FRAS1: variants seen among roughly 807,000 people sequenced by gnomAD.
FRAS1 encodes Fraser extracellular matrix complex subunit 1.
FRAS1 carries 290 observed loss-of-function variants against 435.2 expected under a neutral mutation model. The observed-to-expected ratio is 0.67, with a 90% CI of 0.61 to 0.73. The LOEUF is 0.73. Among genes scored for constraint, FRAS1 ranks in the 30% least tolerant of loss-of-function variants. The pLI is 0.00. For missense variants in FRAS1, 4,860 were observed against 5,001.5 expected, an observed-to-expected ratio of 0.97 and a Z score of 0.85; for synonymous variants, 1,800 against 1,851.0, an observed-to-expected ratio of 0.97 and a Z score of 0.71.
At chr4:78,436,347 C>T (rs999167103) in intron 38 of FRAS1, among the ~76,000 whole-genome samples, 1 of 152,164 alleles carries the variant, frequency 6.6e-6, no homozygotes, top group Admixed American at 6.5e-5. Flanking sequence ...AATGGATCCA[C>T]AGGATGTTCT....
intron 2 of FRAS1, among the ~76,000 whole-genome samples, chr4:78,164,717 C>T (rs1284609339): frequency 6.6e-6 from 1 of 151,892 alleles, no homozygotes; most frequent in Non-Finnish European, 1.5e-5. Flanking sequence ...TATCTTTTTC[C>T]TTTTTAAAAA....
chr4:78,222,451 C>A (rs902890253), intron 2 of FRAS1, among the ~76,000 whole-genome samples: 1 of 152,112 alleles, frequency 6.6e-6, no homozygotes, highest in Admixed American at 6.5e-5. Flanking sequence ...GCGACTTCTC[C>A]GTAAATGTTG....
intron 4 of FRAS1, among the ~76,000 whole-genome samples, chr4:78,249,300 G>T (rs1440795218): frequency 3.4e-5 from 5 of 145,268 alleles, no homozygotes; most frequent in Non-Finnish European, 7.5e-5. Context: ...TTCTTCTGTG[G>T]CTTTGACATC....
chr4:78,328,239 T>G (rs1729795329), intron 18 of FRAS1, among the ~76,000 whole-genome samples: 1 of 152,226 alleles, frequency 6.6e-6, no homozygotes, highest in African/African-American at 2.4e-5. Flanking sequence ...CCAAATGAAA[T>G]GAAATGTTTG....
chr4:78,192,557 C>T (rs186439440), intron 2 of FRAS1, among the ~76,000 whole-genome samples: 6 of 152,224 alleles, frequency 3.9e-5, no homozygotes, highest in South Asian at 2.1e-4. Flanking sequence ...AGTTTATTTG[C>T]GTAGAGGTGT....
intron 2 of FRAS1, among the ~76,000 whole-genome samples, chr4:78,108,673 C>T (rs1742522978): frequency 4.3e-5 from 3 of 70,510 alleles, no homozygotes; most frequent in Admixed American, 1.8e-4. Flanking sequence ...GACACCCTAA[C>T]ATCACAATTA....
At chr4:78,463,644 A>C (rs891889308) in intron 47 of FRAS1, among the ~76,000 whole-genome samples, 1 of 152,252 alleles carries the variant, frequency 6.6e-6, no homozygotes, top group Non-Finnish European at 1.5e-5. Context: ...GTAGGTCTTC[A>C]GAAAGGACTG....
intron 14 of FRAS1, among the ~76,000 whole-genome samples, chr4:78,292,852 C>T (rs1488962646): frequency 6.6e-6 from 1 of 152,222 alleles, no homozygotes; most frequent in Non-Finnish European, 1.5e-5. Context: ...GTTTCTACCA[C>T]TGCCTTCACT....
intron 2 of FRAS1, among the ~76,000 whole-genome samples, chr4:78,102,348 G>C (rs749260932): frequency 6.6e-6 from 1 of 152,178 alleles, no homozygotes; most frequent in African/African-American, 2.4e-5. Flanking sequence ...GAATCTGTCA[G>C]ACAGGTTGTA....
chr4:78,214,111 A>T (rs1578188547), intron 2 of FRAS1, among the ~76,000 whole-genome samples: 1 of 152,192 alleles, frequency 6.6e-6, no homozygotes, highest in African/African-American at 2.4e-5. Context: ...TATAGACTGG[A>T]TTGATGTAGC....
rs751167632 is a variant in FRAS1 at position 78,521,579 on chromosome 4, C to T, written c.10597C>T (p.Arg3533Ter). 1.9e-6 allele frequency: 3 copies of T among 1,611,286 alleles called. No individual in the cohort carries two copies. The highest frequency in any genetic ancestry group is 2.2e-5 in the South Asian group (2 of 90,694). The change falls in exon 68 of 74, where the codon CGA (arginine) becomes TGA (stop). Residue 3533 changes from arginine (R) to a stop codon, truncating the protein, a stop_gained. Transcript: ENST00000512123. LOFTEE classifies it high-confidence loss of function. ...ARLQIIRIYI[R>*]EDGRLVIEFK... ...GCTTCAGATAATAAGAATCTACATT[C>T]GAGAGGATGGCCGTCTTGTCATTGA...
At chr4:78,320,024 C>T (rs1054037929) in intron 18 of FRAS1, among the ~76,000 whole-genome samples, 1 of 152,174 alleles carries the variant, frequency 6.6e-6, no homozygotes, top group African/African-American at 2.4e-5. Flanking sequence ...TCAAAGTGGC[C>T]GGTAAATTAT....
At chr4:78,068,932 T>C (rs1392625742) in intron 2 of FRAS1, among the ~76,000 whole-genome samples, 1 of 86,870 alleles carries the variant, frequency 1.2e-5, no homozygotes, top group Non-Finnish European at 2.2e-5. Context: ...AAGAAAAGCA[T>C]TGTGTCTACA....
intron 29 of FRAS1, among the ~76,000 whole-genome samples, chr4:78,396,831 A>G (rs1198122312): frequency 2.6e-5 from 4 of 152,124 alleles, no homozygotes; most frequent in Non-Finnish European, 4.4e-5. Flanking sequence ...TTTCAGTTCA[A>G]TCATTGTATT....
At chr4:78,456,693 ATGG>A (rs1719212492) in intron 47 of FRAS1, among the ~76,000 whole-genome samples, 1 of 152,176 alleles carries the variant, frequency 6.6e-6, no homozygotes, top group Non-Finnish European at 1.5e-5. Context: ...TTGAAGGGTA[ATGG>A]TGGCTAAACA....
Position 78,421,997 on chromosome 4 carries a change from G to A in FRAS1, c.4675G>A (p.Ala1559Thr), listed in dbSNP as rs889545445. The A allele has an allele frequency of 4.4e-6, 7 of 1,608,734 alleles. No individual in the cohort carries two copies. Among genetic ancestry groups the A allele is most frequent in the East Asian group, 2.2e-5 (1 of 44,788 alleles). ...HLQELMAFSFAGLPESVKFHF... is the reference protein window; with the variant it reads ...HLQELMAFSFTGLPESVKFHF... ...CCAGGAGCTCATGGCCTTCTCGTTC[G>A]CTGGTAATGCTCTCCTCTCTGCTTT... The change falls in exon 34 of 74, where the codon GCT (alanine) becomes ACT (threonine). Residue 1559 changes from alanine (A) to threonine (T), a missense_variant. By Grantham distance (58) the Ala-to-Thr change is moderately conservative. Coordinates refer to ENST00000512123, the MANE Select transcript of FRAS1 (RefSeq NM_025074.7).
intron 30 of FRAS1, among the ~76,000 whole-genome samples, chr4:78,404,646 A>G (rs1471659801): frequency 6.6e-6 from 1 of 152,140 alleles, no homozygotes; most frequent in Non-Finnish European, 1.5e-5. Context: ...TTCCTCTGTC[A>G]TCCTTCACAG....
At chr4:78,518,725 G>T (rs1721295481) in intron 66 of FRAS1, among the ~76,000 whole-genome samples, 1 of 152,152 alleles carries the variant, frequency 6.6e-6, no homozygotes, top group Non-Finnish European at 1.5e-5. Context: ...CATAGCATGG[G>T]ACAGGAAATT....
intron 2 of FRAS1, among the ~76,000 whole-genome samples, chr4:78,216,120 C>T (rs1251352426): frequency 1.3e-5 from 2 of 152,156 alleles, no homozygotes; most frequent in African/African-American, 2.4e-5. Context: ...CTTGGGACAT[C>T]GAATGTGCTT....
Sources: gnomAD v4.1 joint callset for allele counts (sites outside exome capture counted in the v4.1 genomes callset) on GRCh38, gnomAD v4.1.1 for gene constraint, MANE v1.5 for transcripts, NCBI Gene and HGNC (gene_info 2026-07-23, HGNC 2026-07-21) for gene names.